AFF3: variants seen among roughly 807,000 people sequenced by gnomAD.
The protein encoded by AFF3 is ALF transcription elongation factor 3.
In AFF3, 32 loss-of-function variants were observed where a neutral mutation model predicts 129.7. The ratio of observed to expected loss-of-function variants is 0.25; its 90% CI spans 0.19 to 0.33. AFF3 has a LOEUF of 0.33. Ranked by LOEUF, AFF3 falls within the 10% of genes least tolerant of loss-of-function variation. The pLI is 1.00. For missense variants in AFF3, 1,373 were observed against 1,592.0 expected (o/e 0.86, Z 2.34); for synonymous variants, 644 against 635.4 (o/e 1.01, Z -0.20).
chr2:99,896,594 T>C (rs1462974704), intron 7 of AFF3, among the ~76,000 whole-genome samples: 3 of 150,528 alleles, frequency 2.0e-5, no homozygotes, highest in Non-Finnish European at 3.0e-5. Flanking sequence ...ATGTTTCATT[T>C]GATCATTTAC....
chr2:99,940,863 G>A (rs567601453), intron 7 of AFF3, among the ~76,000 whole-genome samples: 1 of 152,206 alleles, frequency 6.6e-6, no homozygotes, highest in South Asian at 2.1e-4. Context: ...CAACAGTGTC[G>A]AAAACCAAAA....
At chr2:99,968,133 T>C (rs1347542722) in intron 7 of AFF3, among the ~76,000 whole-genome samples, 1 of 152,190 alleles carries the variant, frequency 6.6e-6, no homozygotes, top group African/African-American at 2.4e-5. Context: ...CCCACTCAGC[T>C]GAGAAGCCCC....
chr2:99,558,343 G>A (rs769128783), intron 22 of AFF3, among the ~76,000 whole-genome samples: 3 of 152,172 alleles, frequency 2.0e-5, no homozygotes, highest in Non-Finnish European at 2.9e-5. Context: ...GGACAAGGCT[G>A]GGCGTGGTGG....
chr2:100,055,691 G>C (rs957714346), intron 4 of AFF3, among the ~76,000 whole-genome samples: 1 of 152,148 alleles, frequency 6.6e-6, no homozygotes, highest in African/African-American at 2.4e-5. Flanking sequence ...GGCTTTGCGG[G>C]CCAAATGGTC....
At chr2:99,955,730 T>C (rs376538143) in intron 7 of AFF3, among the ~76,000 whole-genome samples, 6 of 152,368 alleles carry the variant, frequency 3.9e-5, no homozygotes, top group Admixed American at 3.9e-4. Context: ...AAATTTTTTA[T>C]ACAAGTTTGT....
At chr2:99,969,823 A>G (rs1678176173) in intron 7 of AFF3, among the ~76,000 whole-genome samples, 1 of 152,194 alleles carries the variant, frequency 6.6e-6, no homozygotes, top group Non-Finnish European at 1.5e-5. Context: ...ACAAATTTTA[A>G]AATTAACACC....
intron 8 of AFF3, among the ~76,000 whole-genome samples, chr2:99,802,043 A>G (rs1558864313): frequency 6.6e-6 from 1 of 152,230 alleles, no homozygotes; most frequent in Non-Finnish European, 1.5e-5. Context: ...GTAATTACAT[A>G]ATTAAAACAT....
rs1684490222 is a variant in AFF3 at position 100,031,503 on chromosome 2, C to T, written c.54-22571G>A. Among the ~76,000 whole-genome samples the T allele has an allele frequency of 2.0e-5, 3 of 152,170 alleles. No individual in the cohort carries two copies. In the South Asian group the frequency reaches 6.2e-4, roughly 32 times the overall value. ...TTCCTTGCCCTGTAGCTGAGTGACC[C>T]TACACCCAGTAGCAATGAGTACACC... is the stretch of plus-strand genomic sequence containing the variant. On this transcript the variant is annotated intron_variant, in intron 4 of 24. Transcript: ENST00000672756.
At chr2:100,139,391 T>C (rs1692771234) in intron 1 of AFF3, among the ~76,000 whole-genome samples, 1 of 152,196 alleles carries the variant, frequency 6.6e-6, no homozygotes, top group Non-Finnish European at 1.5e-5. Flanking sequence ...AAGTGCCATA[T>C]GATAGAGATT....
intron 7 of AFF3, among the ~76,000 whole-genome samples, chr2:99,922,562 C>A (rs1695931007): frequency 6.6e-6 from 1 of 152,150 alleles, no homozygotes; most frequent in African/African-American, 2.4e-5. Flanking sequence ...AAGCCTGCTT[C>A]TGGGGGCCAG....
At chr2:99,887,090 C>A (rs1263989842) in intron 7 of AFF3, among the ~76,000 whole-genome samples, 2 of 152,154 alleles carry the variant, frequency 1.3e-5, no homozygotes, top group Non-Finnish European at 2.9e-5. Flanking sequence ...ATGGTTCTGC[C>A]CTCTGTTGGG....
rs145201032 is a variant in AFF3, at chr2:99,991,781, T to A, written c.873+14851A>T. ...AGCCAGGCGTGGTGGCGCATACCTG[T>A]AACCCTCGCTACTCAGGAGGCTGAG... On this transcript the variant is annotated intron_variant, in intron 7 of 24. Coordinates refer to ENST00000672756, the MANE Select transcript of AFF3 (RefSeq NM_001386135.1). 3.3e-4 allele frequency among the ~76,000 whole-genome samples: 50 copies of A among 152,132 alleles called. No homozygotes were observed. The East Asian group carries it at 8.9e-3, about 27-fold the overall frequency.
intron 7 of AFF3, among the ~76,000 whole-genome samples, chr2:99,891,377 C>G (rs1488127892): frequency 6.6e-6 from 1 of 152,072 alleles, no homozygotes; most frequent in East Asian, 1.9e-4. Context: ...AATTAGCTAG[C>G]CTTTCAGGGT....
chr2:99,994,270 A>T (rs1312289328), intron 7 of AFF3, among the ~76,000 whole-genome samples: 1 of 152,198 alleles, frequency 6.6e-6, no homozygotes, highest in Non-Finnish European at 1.5e-5. Context: ...AGAACGAATG[A>T]TCTATAAGAG....
chr2:99,882,344 A>G (rs560001425), intron 7 of AFF3, among the ~76,000 whole-genome samples: 55 of 152,326 alleles, frequency 3.6e-4, no homozygotes, highest in Admixed American at 1.8e-3. Context: ...TTCTAAAGAC[A>G]CTATATTTTT....
intron 8 of AFF3, among the ~76,000 whole-genome samples, chr2:99,817,157 G>A (rs1021449282): frequency 6.6e-6 from 1 of 152,146 alleles, no homozygotes; most frequent in Non-Finnish European, 1.5e-5. Flanking sequence ...CCTCGGTCAA[G>A]ACCACAGGAA....
At chr2:99,685,189 C>T (rs1288925628) in intron 11 of AFF3, among the ~76,000 whole-genome samples, 6 of 152,160 alleles carry the variant, frequency 3.9e-5, no homozygotes, top group Non-Finnish European at 5.9e-5. Flanking sequence ...GATCTGCCTG[C>T]CTCAGACTCC....
chr2:99,981,014 T>TTTTTG (rs1247149341), intron 7 of AFF3, among the ~76,000 whole-genome samples: 3 of 152,106 alleles, frequency 2.0e-5, no homozygotes, highest in African/African-American at 7.2e-5. Context: ...ACTATGTGGT[T>TTTTTG]TTTTGTTTTG....
chr2:100,098,384 A>T (rs1440952913), intron 4 of AFF3, among the ~76,000 whole-genome samples: 4 of 151,188 alleles, frequency 2.6e-5, no homozygotes, highest in East Asian at 3.9e-4. Context: ...AAATTAAAAT[A>T]AAAAAAAAAT....
Sources: gnomAD v4.1 joint callset for allele counts (sites outside exome capture counted in the v4.1 genomes callset) on GRCh38, gnomAD v4.1.1 for gene constraint, MANE v1.5 for transcripts, NCBI Gene and HGNC (gene_info 2026-07-23, HGNC 2026-07-21) for gene names.